IL17RD: variants seen among roughly 807,000 people sequenced by gnomAD.
The protein encoded by IL17RD is interleukin 17 receptor D, also known as interleukin-17 receptor D.
Under a neutral mutation model 80.5 loss-of-function variants are expected in IL17RD, and 52 were observed. The ratio of observed to expected loss-of-function variants is 0.65; its 90% CI spans 0.52 to 0.81. The LOEUF is 0.81. Ranked by LOEUF, IL17RD falls within the 40% of genes least tolerant of loss-of-function variation. The pLI is 0.00. For missense variants in IL17RD, 1,024 were observed against 955.1 expected (o/e 1.07, Z -0.95); for synonymous variants, 416 against 391.8 (o/e 1.06, Z -0.73).
chr3:57,157,712 G>C (rs1397759074), intron 1 of IL17RD, among the ~76,000 whole-genome samples: 3 of 152,182 alleles, frequency 2.0e-5, no homozygotes, highest in Non-Finnish European at 4.4e-5. Flanking sequence ...GGCCGTTTTG[G>C]GAGAGAAGAA....
intron 1 of IL17RD, among the ~76,000 whole-genome samples, chr3:57,151,459 A>G (rs2060219677): frequency 6.6e-6 from 1 of 152,204 alleles, no homozygotes; most frequent in Non-Finnish European, 1.5e-5. Flanking sequence ...GAGCACCACA[A>G]TAATTTAATC....
intron 1 of IL17RD, among the ~76,000 whole-genome samples, chr3:57,127,135 T>A (rs1213920373): frequency 1.4e-5 from 2 of 144,892 alleles, no homozygotes; most frequent in Non-Finnish European, 3.0e-5. Context: ...GGAAGATGGG[T>A]TTTTTTAAAG....
At chr3:57,106,175 C>T (rs1332659066) in intron 5 of IL17RD, 21 bp from the exon 6 acceptor site, 1 of 1,594,908 alleles carries the variant, frequency 6.3e-7, no homozygotes, top group Non-Finnish European at 8.6e-7. Context: ...AATAAAGATA[C>T]ATGTTTTTAG....
Position 57,109,610 on chromosome 3 carries a change from A to G in IL17RD, c.477T>C (p.Tyr159=). 1 of 1,613,530 alleles carries G rather than the reference A, an allele frequency of 6.2e-7. No homozygotes were observed. ...AAGGAAAAGGGACAACCTTTACGAA[A>G]TAATCCGTTTCAAATTTCATATTCA... ...PFLNMKFETD[Y]FVKVVPFPSI... The change falls in exon 5 of 13, where the codon TAT becomes TAC. Residue 159 remains tyrosine, a synonymous_variant. Transcript: ENST00000296318.
intron 1 of IL17RD, among the ~76,000 whole-genome samples, chr3:57,152,616 T>C (rs775884414): frequency 1.3e-5 from 2 of 152,236 alleles, no homozygotes; most frequent in Non-Finnish European, 2.9e-5. Context: ...TTTTGACATT[T>C]TAACTTACTT....
chr3:57,109,269 C>T (rs1023658763), intron 5 of IL17RD, among the ~76,000 whole-genome samples: 2 of 152,202 alleles, frequency 1.3e-5, no homozygotes, highest in African/African-American at 2.4e-5. Context: ...CTGCCTTAGC[C>T]TCCCGAGTAG....
intron 1 of IL17RD, among the ~76,000 whole-genome samples, chr3:57,122,874 C>T (rs953903020): frequency 4.0e-5 from 6 of 151,702 alleles, no homozygotes; most frequent in Non-Finnish European, 8.8e-5. Context: ...AATATGCTCC[C>T]TAGTGCATAG....
At position 57,165,282 on chromosome 3, in the gene IL17RD, G is replaced by A; in HGVS notation, c.5C>T (p.Ala2Val). The change falls in exon 1 of 13, where the codon GCC becomes GTC. Residue 2 changes from alanine (A) to valine (V), a missense_variant. By Grantham distance (64) the Ala-to-Val change is moderately conservative. Transcript: ENST00000296318. M[A>V]PWLQLCSVFF... ...GACGGAGCAGAGCTGCAGCCACGGGGCCATGGCCGTGCGCTCGCCCAGCCA... is the reference window on the plus strand; with the variant it reads ...GACGGAGCAGAGCTGCAGCCACGGGACCATGGCCGTGCGCTCGCCCAGCCA... The A allele has an allele frequency of 4.7e-6, 7 of 1,476,498 alleles. No homozygotes were observed. The highest frequency in any genetic ancestry group is 2.6e-5 in the South Asian group (2 of 76,348). 91.5% of individuals were successfully genotyped at this position (1,476,498 alleles called of 1,614,324 possible).
upstream of IL17RD, among the ~76,000 whole-genome samples, chr3:57,165,889 C>T (rs1245518193): frequency 6.6e-6 from 1 of 152,092 alleles, no homozygotes; most frequent in African/African-American, 2.4e-5. Context: ...CCTCACCCTC[C>T]TGGAAGCTAG....
intron 11 of IL17RD, among the ~76,000 whole-genome samples, 185 bp downstream of exon 11, chr3:57,100,994 T>C (rs1706813980): frequency 6.6e-6 from 1 of 152,228 alleles, no homozygotes; most frequent in Non-Finnish European, 1.5e-5. Flanking sequence ...ATGAAATATT[T>C]AGTGCTGGTG....
In IL17RD at chr3:57,090,036, T is replaced by A. The variant is rs1191677753; in HGVS notation, c.*6357A>T. ...AATTCTAAGGTACAAAAACATTTTG[T>A]AAATGTCAGCTGTGATCTACTTTCA... On this transcript the variant is annotated 3_prime_UTR_variant, in exon 13 of 13. Transcript: ENST00000296318. 1.3e-5 allele frequency: 2 copies of A among 152,698 alleles called. No individual in the cohort carries two copies. The highest frequency in any genetic ancestry group is 4.8e-5 in the African/African-American group (2 of 41,476). 9.5% of individuals were successfully genotyped at this position (152,698 alleles called of 1,614,324 possible). A position where few individuals can be genotyped will look rare whatever the true frequency, so the allele number is the denominator to read the frequency against.
chr3:57,114,772 T>C lies in IL17RD; in HGVS notation c.230A>G (p.Asp77Gly). ...LNPVGKHVIADAQNITISQYA... is the reference protein window; with the variant it reads ...LNPVGKHVIAGAQNITISQYA... ...CTGGCTGATGGTGATATTCTGGGCGTCAGCAATCACATGCTTCCCCACTGG... is the reference window on the plus strand; with the variant it reads ...CTGGCTGATGGTGATATTCTGGGCGCCAGCAATCACATGCTTCCCCACTGG... Residue 77 changes from aspartate (D) to glycine (G), a missense_variant, in exon 3 of 13, where the codon GAC (aspartate) becomes GGC (glycine). Coordinates refer to ENST00000296318, the MANE Select transcript of IL17RD (RefSeq NM_017563.5). The C allele has an allele frequency of 6.2e-7, 1 of 1,611,912 alleles. No homozygotes were observed. Among genetic ancestry groups the C allele is most frequent in the Non-Finnish European group, 8.5e-7 (1 of 1,179,056 alleles).
At chr3:57,132,587 T>C (rs116129825) in intron 1 of IL17RD, among the ~76,000 whole-genome samples, 2,138 of 152,358 alleles carry the variant, frequency 0.014, 59 homozygotes, top group African/African-American at 0.049. Flanking sequence ...TTATAGGCAG[T>C]ATTTGTTACA....
intron 1 of IL17RD, among the ~76,000 whole-genome samples, chr3:57,144,309 C>G (rs1473318772): frequency 6.6e-6 from 1 of 152,164 alleles, no homozygotes; most frequent in East Asian, 1.9e-4. Context: ...GACCTCTTCC[C>G]TAGCCGCTCA....
intron 1 of IL17RD, among the ~76,000 whole-genome samples, chr3:57,143,351 C>G (rs1243106492): frequency 6.6e-6 from 1 of 152,046 alleles, no homozygotes; most frequent in Non-Finnish European, 1.5e-5. Flanking sequence ...TTGACAATCT[C>G]AACAAAGGCT....
intron 1 of IL17RD, among the ~76,000 whole-genome samples, chr3:57,149,607 TA>T (rs1386968421): frequency 1.3e-5 from 2 of 152,254 alleles, no homozygotes; most frequent in Non-Finnish European, 2.9e-5. Context: ...TAAGTTTAAG[TA>T]AAATTAAACA....
intron 4 of IL17RD, among the ~76,000 whole-genome samples, chr3:57,109,953 C>T (rs1461453632): frequency 2.0e-5 from 3 of 152,234 alleles, no homozygotes; most frequent in African/African-American, 7.2e-5. Context: ...AGCACAAAGA[C>T]ACCTTCCAGG....
chr3:57,111,961 C>CA (rs771559642), intron 3 of IL17RD, among the ~76,000 whole-genome samples: 2,076 of 91,558 alleles, frequency 0.023, 29 homozygotes, highest in Non-Finnish European at 0.035. Flanking sequence ...GACTCTGTCT[C>CA]AAAAAAAAAA....
intron 1 of IL17RD, among the ~76,000 whole-genome samples, chr3:57,124,168 C>T (rs768712): frequency 0.42 from 63,278 of 151,952 alleles, 13,737 homozygotes; most frequent in South Asian, 0.56. Flanking sequence ...AATACTTCAG[C>T]TGCTCTAGAG....
Sources: gnomAD v4.1 joint callset for allele counts (sites outside exome capture counted in the v4.1 genomes callset) on GRCh38, gnomAD v4.1.1 for gene constraint, MANE v1.5 for transcripts, NCBI Gene and HGNC (gene_info 2026-07-23, HGNC 2026-07-21) for gene names.